The following FABP2 variants were observed in gnomAD, a reference collection of about 807,000 sequenced individuals.
The protein encoded by FABP2 is fatty acid binding protein 2, also known as fatty acid-binding protein, intestinal.
Under a neutral mutation model 16.1 loss-of-function variants are expected in FABP2, and 11 were observed. That is an observed-to-expected ratio of 0.68 (90% confidence interval 0.43 to 1.13). The LOEUF is 1.13. Among genes scored for constraint, FABP2 ranks in the 50% most tolerant of loss-of-function variants. The pLI is 0.00. For synonymous variants in FABP2, 45 were observed against 50.9 expected (o/e 0.88, Z 0.49); for missense variants, 146 against 155.1 (o/e 0.94, Z 0.31).
At chr4:119,321,322 C>G (rs1755665482) in intron 1 of FABP2, among the ~76,000 whole-genome samples, 1 of 151,906 alleles carries the variant, frequency 6.6e-6, no homozygotes, top group Admixed American at 6.6e-5. Flanking sequence ...CTTTCTGACA[C>G]AAAAATGAGA....
chr4:119,319,651 A>ATAATAATAT lies in FABP2; in HGVS notation c.241-9_241-8insATATTATTA, dbSNP rs2149498106. On this transcript the variant is annotated splice_polypyrimidine_tract_variant and intron_variant, in intron 2 of 3. Coordinates refer to ENST00000274024, the MANE Select transcript of FABP2 (RefSeq NM_000134.4). Reference sequence around the variant, plus strand: ...CTCAAGGCTCCAGGTCCCCTACATAATAATAATAATAATAATAATAATAAT... The same window carrying ATAATAATAT: ...CTCAAGGCTCCAGGTCCCCTACATAATAATAATATTAATAATAATAATAATAATAATAAT... 1 of 904,002 alleles carries ATAATAATAT rather than the reference A, an allele frequency of 1.1e-6. No homozygotes were observed. The highest frequency in any genetic ancestry group is 3.7e-5 in the East Asian group (1 of 27,024). The allele number at this position is 904,002 out of a possible 1,614,324, so 56.0% of individuals were successfully genotyped here. A position where few individuals can be genotyped will look rare whatever the true frequency, so the allele number is the denominator to read the frequency against.
rs1225121658 is a variant in FABP2 at position 119,317,663 on chromosome 4, A to G, written c.*1378T>C. On this transcript the variant is annotated 3_prime_UTR_variant, in exon 4 of 4. Coordinates refer to ENST00000274024, the MANE Select transcript of FABP2 (RefSeq NM_000134.4). ...TAAATGTTAAGCTGTTATCTACATC[A>G]GTGTGAAAAAGAATTTGTCAAAAGT... is the stretch of plus-strand genomic sequence containing the variant. 1 of 152,126 alleles carries G rather than the reference A, an allele frequency of 6.6e-6. No individual in the cohort carries two copies. The highest frequency in any genetic ancestry group is 1.5e-5 in the Non-Finnish European group (1 of 68,006). 9.4% of individuals were successfully genotyped at this position (152,126 alleles called of 1,614,324 possible).
At position 119,319,604 on chromosome 4, in the gene FABP2, A is replaced by G; in HGVS notation, c.280T>C (p.Phe94Leu). The part of the protein sequence containing the change: ...SLEGNKLIGK[F>L]KRTDNGNELN... Reference sequence around the variant, plus strand: ...TCGTTTCCATTGTCTGTCCGTTTGAATTTTCCAATAAGTTTATTTCCCTCA... The same window carrying G: ...TCGTTTCCATTGTCTGTCCGTTTGAGTTTTCCAATAAGTTTATTTCCCTCA... Residue 94 changes from phenylalanine (F) to leucine (L), a missense_variant, in exon 3 of 4, where the codon TTC becomes CTC. Transcript: ENST00000274024. 6.5e-7 allele frequency: 1 copy of G among 1,528,774 alleles called. No homozygotes were observed. The highest frequency in any genetic ancestry group is 8.8e-7 in the Non-Finnish European group (1 of 1,138,056). 94.7% of individuals were successfully genotyped at this position (1,528,774 alleles called of 1,614,324 possible). A position where few individuals can be genotyped will look rare whatever the true frequency, so the allele number is the denominator to read the frequency against.
chr4:119,320,752 G>T lies in FABP2; in HGVS notation c.158C>A (p.Ser53Ter). 1 of 1,606,098 alleles carries T rather than the reference G, an allele frequency of 6.2e-7. No individual in the cohort carries two copies. Among genetic ancestry groups the T allele is most frequent in the Non-Finnish European group, 8.5e-7 (1 of 1,177,224 alleles). ...QEGNKFTVKE[S>*]STFRNIEVVF... ...AACTTCAATGTTTCGAAAAGTGCTT[G>T]ATTCTTTGACTGTGAATTTATTTCC... Residue 53 changes from serine (S) to a stop codon, truncating the protein, a stop_gained, in exon 2 of 4, where the codon TCA becomes TAA. Transcript: ENST00000274024. LOFTEE classifies it high-confidence loss of function.
chr4:119,321,327 A>G (rs183412821), intron 1 of FABP2, among the ~76,000 whole-genome samples: 189 of 152,232 alleles, frequency 1.2e-3, no homozygotes, highest in Non-Finnish European at 2.0e-3. Flanking sequence ...TGACACAAAA[A>G]TGAGAAAATT....
chr4:119,319,701 C>T, intron 2 of FABP2, 58 bp from the exon 3 acceptor site: 1 of 740,858 alleles, frequency 1.3e-6, no homozygotes, highest in Middle Eastern at 4.5e-4. Flanking sequence ...GGGTCTTACA[C>T]ATGTCAGGCA....
rs1381198268 is a variant in FABP2 at position 119,318,166 on chromosome 4, CT to C, written c.*874del. The C allele has an allele frequency of 6.6e-6, 1 of 151,972 alleles. No individual in the cohort carries two copies. Among genetic ancestry groups the C allele is most frequent in the Non-Finnish European group, 1.5e-5 (1 of 67,968 alleles). 9.4% of individuals were successfully genotyped at this position (151,972 alleles called of 1,614,324 possible). On this transcript the variant is annotated 3_prime_UTR_variant, in exon 4 of 4. Coordinates refer to ENST00000274024, the MANE Select transcript of FABP2 (RefSeq NM_000134.4). ...AGTACATCATTTATTTCCTATCATCCTATTCAAAGTGGTATGTATTGGGAAA... is the reference window on the plus strand; with the variant it reads ...AGTACATCATTTATTTCCTATCATCCATTCAAAGTGGTATGTATTGGGAAA...
At position 119,318,981 on chromosome 4, in the gene FABP2, C is replaced by A; in HGVS notation, c.*60G>T. Reference sequence around the variant, plus strand: ...ACTTGATGGGGTGAAATAAATAGTTCTGGTACAATATAGATCTTCTGTCCA... The same window carrying A: ...ACTTGATGGGGTGAAATAAATAGTTATGGTACAATATAGATCTTCTGTCCA... On this transcript the variant is annotated 3_prime_UTR_variant, in exon 4 of 4. Transcript: ENST00000274024. 1 of 1,324,072 alleles carries A rather than the reference C, an allele frequency of 7.6e-7. No individual in the cohort carries two copies. The highest frequency in any genetic ancestry group is 1.1e-6 in the Non-Finnish European group (1 of 939,188). The allele number at this position is 1,324,072 out of a possible 1,614,324, so 82.0% of individuals were successfully genotyped here. A position where few individuals can be genotyped will look rare whatever the true frequency, so the allele number is the denominator to read the frequency against.
At position 119,317,652 on chromosome 4, in the gene FABP2, T is replaced by A. The variant is rs950450238; in HGVS notation, c.*1389A>T. The A allele has an allele frequency of 6.6e-6, 1 of 152,134 alleles. No homozygotes were observed. The highest frequency in any genetic ancestry group is 6.6e-5 in the Admixed American group (1 of 15,254). The allele number at this position is 152,134 out of a possible 1,614,324, so 9.4% of individuals were successfully genotyped here. On this transcript the variant is annotated 3_prime_UTR_variant, in exon 4 of 4. Transcript: ENST00000274024. ...TAAGAACTATGTAAATGTTAAGCTG[T>A]TATCTACATCAGTGTGAAAAAGAAT...
In FABP2 at chr4:119,319,059, C is replaced by T. The variant is rs1463853237; in HGVS notation, c.381G>A (p.Arg127=). 1.2e-6 allele frequency: 2 copies of T among 1,601,790 alleles called. No homozygotes were observed. Among genetic ancestry groups the T allele is most frequent in the Non-Finnish European group, 1.7e-6 (2 of 1,174,974 alleles). Residue 127 remains arginine (R), a synonymous_variant, in exon 4 of 4, where the codon AGG becomes AGA. Coordinates refer to ENST00000274024, the MANE Select transcript of FABP2 (RefSeq NM_000134.4). The part of the protein sequence containing the change: ...TYVYEGVEAK[R]IFKKD ...ATAATGCTCAATCCTTTTTAAAGAT[C>T]CTTTTGGCTTCTACTCCTTCATATA...
chr4:119,321,903 C>T (rs1460732100), intron 1 of FABP2, 133 bp downstream of exon 1: 4 of 648,126 alleles, frequency 6.2e-6, no homozygotes, highest in Non-Finnish European at 2.7e-6. Flanking sequence ...CTCCTCTGAA[C>T]ATCTTCTGGA....
At chr4:119,320,056 T>G (rs539525481) in intron 2 of FABP2, among the ~76,000 whole-genome samples, 135 of 152,208 alleles carry the variant, frequency 8.9e-4, no homozygotes, top group African/African-American at 3.2e-3. Context: ...TGTGTGATTG[T>G]GGTACTAATT....
intron 3 of FABP2, 147 bp downstream of exon 3, chr4:119,319,389 A>T: frequency 2.1e-6 from 1 of 467,630 alleles, no homozygotes; most frequent in South Asian, 3.6e-5. Context: ...AGGCATCAGA[A>T]AATAGCTATA....
At chr4:119,321,738 G>A (rs1020266663) in intron 1 of FABP2, among the ~76,000 whole-genome samples, 3 of 151,970 alleles carry the variant, frequency 2.0e-5, no homozygotes, top group Non-Finnish European at 4.4e-5. Context: ...TTTTCTTACT[G>A]TAAACAACAA....
At position 119,318,871 on chromosome 4, in the gene FABP2, C is replaced by A; in HGVS notation, c.*170G>T. 2.1e-6 allele frequency: 1 copy of A among 474,264 alleles called. No homozygotes were observed. The highest frequency in any genetic ancestry group is 3.8e-6 in the Non-Finnish European group (1 of 262,502). 29.4% of individuals were successfully genotyped at this position (474,264 alleles called of 1,614,324 possible). ...TTAGAGAATATAAAACAAATTAAATCCTAATTAGCTTTTACTTCTTTTGCT... is the reference window on the plus strand; with the variant it reads ...TTAGAGAATATAAAACAAATTAAATACTAATTAGCTTTTACTTCTTTTGCT... On this transcript the variant is annotated 3_prime_UTR_variant, in exon 4 of 4. Coordinates refer to ENST00000274024, the MANE Select transcript of FABP2 (RefSeq NM_000134.4).
rs781649380 is a variant in FABP2 at position 119,319,528 on chromosome 4, C to A, written c.348+8G>T. The A allele has an allele frequency of 6.5e-7, 1 of 1,540,278 alleles. No homozygotes were observed. The highest frequency in any genetic ancestry group is 1.8e-4 in the Middle Eastern group (1 of 5,508). ...CTTTTGAAAATAGCTATAAATTTGA[C>A]AACTCACCTGGACTAGTTCATCACC... On this transcript the variant is annotated splice_region_variant and intron_variant, in intron 3 of 3. Coordinates refer to ENST00000274024, the MANE Select transcript of FABP2 (RefSeq NM_000134.4).
Position 119,319,647 on chromosome 4 carries a change from C to CATAATGATA in FABP2, c.241-5_241-4insTATCATTAT. ...TTCCCTCAAGGCTCCAGGTCCCCTA[C>CATAATGATA]ATAATAATAATAATAATAATAATAA... On this transcript the variant is annotated splice_polypyrimidine_tract_variant and splice_region_variant and intron_variant, in intron 2 of 3. Coordinates refer to ENST00000274024, the MANE Select transcript of FABP2 (RefSeq NM_000134.4). 1 of 797,502 alleles carries CATAATGATA rather than the reference C, an allele frequency of 1.3e-6. No homozygotes were observed. The highest frequency in any genetic ancestry group is 1.8e-6 in the Non-Finnish European group (1 of 557,166). The allele number at this position is 797,502 out of a possible 1,614,324, so 49.4% of individuals were successfully genotyped here. A position where few individuals can be genotyped will look rare whatever the true frequency, so the allele number is the denominator to read the frequency against.
At position 119,320,679 on chromosome 4, in the gene FABP2, A is replaced by T; in HGVS notation, c.231T>A (p.Thr77=). ...VTFNYNLADG[T]ELRGTWSLEG... The stretch of plus-strand genomic sequence containing the variant: ...AAAAAAAAATTCTTACCCTGAGTTC[A>T]GTTCCGTCTGCTAGATTGTAATTAA... Residue 77 remains threonine, a synonymous_variant, in exon 2 of 4, where the codon ACT becomes ACA. Coordinates refer to ENST00000274024, the MANE Select transcript of FABP2 (RefSeq NM_000134.4). 1 of 1,574,124 alleles carries T rather than the reference A, an allele frequency of 6.4e-7. No homozygotes were observed. The highest frequency in any genetic ancestry group is 8.6e-7 in the Non-Finnish European group (1 of 1,167,790).
At position 119,320,847 on chromosome 4, in the gene FABP2, A is replaced by G. The variant is rs576754955; in HGVS notation, c.68-5T>C. ...TCCTTTTCACTATATTAACACCTGTAAAAGGTAAGACAATGGAGAAAATAA... is the reference window on the plus strand; with the variant it reads ...TCCTTTTCACTATATTAACACCTGTGAAAGGTAAGACAATGGAGAAAATAA... On this transcript the variant is annotated splice_region_variant and splice_polypyrimidine_tract_variant and intron_variant, in intron 1 of 3. Coordinates refer to ENST00000274024, the MANE Select transcript of FABP2 (RefSeq NM_000134.4). 76 of 1,554,720 alleles carry G rather than the reference A, an allele frequency of 4.9e-5. 4 individuals are homozygous for G. The South Asian group carries it at 8.6e-4, about 18-fold the overall frequency.
Sources: allele counts gnomAD v4.1 joint callset (sites outside exome capture counted in the v4.1 genomes callset), GRCh38; gene constraint gnomAD v4.1.1; transcripts MANE v1.5; gene names NCBI Gene and HGNC (gene_info 2026-07-23, HGNC 2026-07-21).